HAVCR2: variants seen among roughly 807,000 people sequenced by gnomAD.
HAVCR2 encodes hepatitis A virus cellular receptor 2.
In HAVCR2, 13 loss-of-function variants were observed where a neutral mutation model predicts 24.7. The observed-to-expected ratio is 0.53, with a 90% CI of 0.34 to 0.84. HAVCR2 has a LOEUF of 0.84. Among genes scored for constraint, HAVCR2 ranks in the 40% least tolerant of loss-of-function variants. The pLI is 0.01. For synonymous variants in HAVCR2, 154 were observed against 143.4 expected, an observed-to-expected ratio of 1.07 and a Z score of -0.53; for missense variants, 343 against 371.2, an observed-to-expected ratio of 0.92 and a Z score of 0.62.
chr5:157,096,050 A>ACC (rs1757090491), intron 4 of HAVCR2, among the ~76,000 whole-genome samples: 1 of 151,880 alleles, frequency 6.6e-6, no homozygotes, highest in Admixed American at 6.6e-5. Flanking sequence ...ACATGGTGAA[A>ACC]CCCCGTCTCT....
intron 1 of HAVCR2, among the ~76,000 whole-genome samples, chr5:157,108,564 C>T (rs1370433170): frequency 1.3e-5 from 2 of 151,934 alleles, no homozygotes; most frequent in Non-Finnish European, 2.9e-5. Context: ...CTTACTCTCC[C>T]AACTCTTTAC....
chr5:157,094,902 G>A (rs17054179), intron 5 of HAVCR2, among the ~76,000 whole-genome samples: 9,133 of 152,114 alleles, frequency 0.06, 413 homozygotes, highest in Admixed American at 0.14. Context: ...GTTGTGTTTC[G>A]TAACAAACCT....
intron 5 of HAVCR2, among the ~76,000 whole-genome samples, chr5:157,092,512 T>A (rs1320368565): frequency 6.6e-6 from 1 of 152,030 alleles, no homozygotes; most frequent in Admixed American, 6.6e-5. Flanking sequence ...AATGGCACGA[T>A]CTCAGCTCAC....
intron 3 of HAVCR2, 149 bp from the exon 4 acceptor site, chr5:157,099,050 A>C: frequency 1.4e-6 from 1 of 723,256 alleles, no homozygotes; most frequent in Non-Finnish European, 2.1e-6. Flanking sequence ...CACAATAATT[A>C]ATGGAGAGAC....
rs556443053 is a variant in HAVCR2, at chr5:157,092,878, C to CAAAAAAAA, written c.676+2420_676+2427dup. Among the ~76,000 whole-genome samples the CAAAAAAAA allele has an allele frequency of 2.6e-3, 116 of 44,044 alleles. 33 individuals are homozygous for CAAAAAAAA. Among genetic ancestry groups the CAAAAAAAA allele is most frequent in the Non-Finnish European group, 3.3e-3 (71 of 21,714 alleles). The allele number at this position is 44,044 out of a possible 152,430, so 28.9% of individuals were successfully genotyped here. On this transcript the variant is annotated intron_variant, in intron 5 of 6. Coordinates refer to ENST00000307851, the MANE Select transcript of HAVCR2 (RefSeq NM_032782.5). ...CAACATGGCAAAACCCTGTCTCTAC[C>CAAAAAAAA]AAAAAAAAAAAAAAAAAAAAAAAAA...
intron 3 of HAVCR2, among the ~76,000 whole-genome samples, chr5:157,100,314 T>C (rs1757150341): frequency 6.6e-6 from 1 of 152,224 alleles, no homozygotes; most frequent in Non-Finnish European, 1.5e-5. Flanking sequence ...TAGCCTTAAA[T>C]GCACATTCTT....
rs1247954130 is a variant in HAVCR2, at chr5:157,098,019, C to G, written c.522+839G>C. ...GGGCACCATGGCTCATGCCTGTAAT[C>G]CCAGCACTTTGGGAGGCCAAGTTGG... On this transcript the variant is annotated intron_variant, in intron 4 of 6. Coordinates refer to ENST00000307851, the MANE Select transcript of HAVCR2 (RefSeq NM_032782.5). Among the ~76,000 whole-genome samples the G allele has an allele frequency of 6.6e-5, 10 of 152,220 alleles. No individual in the cohort carries two copies. The East Asian group carries it at 1.9e-3, about 29-fold the overall frequency.
chr5:157,105,159 G>A (rs1757228073), intron 2 of HAVCR2, among the ~76,000 whole-genome samples: 2 of 151,782 alleles, frequency 1.3e-5, no homozygotes, highest in Admixed American at 1.3e-4. Flanking sequence ...CCGCCTCCTG[G>A]GTTCAAGCAA....
chr5:157,098,520 A>T (rs1413790818), intron 4 of HAVCR2, among the ~76,000 whole-genome samples: 3 of 152,246 alleles, frequency 2.0e-5, no homozygotes, highest in African/African-American at 7.2e-5. Context: ...GGAAGCAAGA[A>T]GAATGGTATT....
At chr5:157,103,655 T>A (rs1757204163) in intron 3 of HAVCR2, among the ~76,000 whole-genome samples, 1 of 152,180 alleles carries the variant, frequency 6.6e-6, no homozygotes, top group African/African-American at 2.4e-5. Context: ...TGAGTGCTTT[T>A]TATGGGCCAG....
rs895840352 is a variant in HAVCR2, at chr5:157,101,999, G to A, written c.478+2667C>T. ...TCTCGCTCTGTTTTCCAGGCTTCAGGACAGTGGTGAGATCTCGGTTCACTC... is the reference window on the plus strand; with the variant it reads ...TCTCGCTCTGTTTTCCAGGCTTCAGAACAGTGGTGAGATCTCGGTTCACTC... On this transcript the variant is annotated intron_variant, in intron 3 of 6. Transcript: ENST00000307851. Among the ~76,000 whole-genome samples, 3 of 146,184 alleles carry A rather than the reference G, an allele frequency of 2.1e-5. No individual in the cohort carries two copies. In the South Asian group the frequency reaches 6.6e-4, roughly 32 times the overall value.
chr5:157,098,812 C>T, intron 4 of HAVCR2, 46 bp downstream of exon 4: 1 of 1,562,228 alleles, frequency 6.4e-7, no homozygotes, highest in Non-Finnish European at 8.8e-7. Flanking sequence ...GCCATGATTT[C>T]CCCTCCAAGT....
intron 4 of HAVCR2, among the ~76,000 whole-genome samples, chr5:157,097,748 C>A (rs1757111935): frequency 6.6e-6 from 1 of 152,010 alleles, no homozygotes; most frequent in Non-Finnish European, 1.5e-5. Flanking sequence ...TACACAGGCA[C>A]ACACCACCAT....
chr5:157,103,330 C>T (rs1001805110), intron 3 of HAVCR2, among the ~76,000 whole-genome samples: 7 of 151,434 alleles, frequency 4.6e-5, no homozygotes, highest in African/African-American at 1.7e-4. Context: ...GAGATTGCGC[C>T]ACTGCACTCT....
At chr5:157,104,590 CT>C (rs1299855464) in intron 3 of HAVCR2, 75 bp downstream of exon 3, 24 of 1,045,938 alleles carry the variant, frequency 2.3e-5, no homozygotes, top group African/African-American at 3.2e-5. Flanking sequence ...GTTTTCTCAT[CT>C]TTTTTTCCCA....
intron 4 of HAVCR2, among the ~76,000 whole-genome samples, chr5:157,097,315 C>T (rs1457372406): frequency 1.4e-5 from 2 of 146,096 alleles, no homozygotes; most frequent in Non-Finnish European, 3.0e-5. Flanking sequence ...AGTGCAGGGG[C>T]ATGATCACAG....
Position 157,095,330 on chromosome 5 carries a change from T to A in HAVCR2, c.652A>T (p.Ile218Phe), listed in dbSNP as rs1227282678. The A allele has an allele frequency of 6.2e-7, 1 of 1,613,872 alleles. No homozygotes were observed. Residue 218 changes from isoleucine to phenylalanine, a missense_variant, in exon 5 of 7, where the codon ATC becomes TTC. Ile to Phe is a conservative substitution (Grantham distance 21). Transcript: ENST00000307851. ...GICAGLALAL[I>F]FGALIFKWYS... ...CATTTGAAAATTAAAGCGCCGAAGA[T>A]AAGAGCCAGAGCCAGCCCAGCACAG...
chr5:157,105,635 C>T (rs1286042269), intron 2 of HAVCR2, among the ~76,000 whole-genome samples: 1 of 152,118 alleles, frequency 6.6e-6, no homozygotes, highest in Non-Finnish European at 1.5e-5. Context: ...CAATAACTTG[C>T]TCAGGATTAT....
intron 1 of HAVCR2, among the ~76,000 whole-genome samples, chr5:157,108,046 A>G (rs1341915916): frequency 6.6e-6 from 1 of 151,874 alleles, no homozygotes; most frequent in African/African-American, 2.4e-5. Context: ...CTCAAATGAC[A>G]AAGTTAATTC....
Sources: allele counts gnomAD v4.1 joint callset (sites outside exome capture counted in the v4.1 genomes callset), GRCh38; gene constraint gnomAD v4.1.1; transcripts MANE v1.5; gene names NCBI Gene and HGNC (gene_info 2026-07-23, HGNC 2026-07-21).